The following ANKRD44 variants were observed in gnomAD, a reference collection of about 807,000 sequenced individuals.
ANKRD44 encodes the protein ankyrin repeat domain 44.
In ANKRD44, 35 loss-of-function variants were observed where a neutral mutation model predicts 116.0. The observed-to-expected ratio is 0.30, with a 90% CI of 0.23 to 0.40. ANKRD44 has a LOEUF of 0.40. Among genes scored for constraint, ANKRD44 ranks in the 10% least tolerant of loss-of-function variants. The pLI is 1.00. For synonymous variants in ANKRD44, 435 were observed against 461.8 expected, an observed-to-expected ratio of 0.94 and a Z score of 0.74; for missense variants, 1,014 against 1,242.6, an observed-to-expected ratio of 0.82 and a Z score of 2.77.
At chr2:197,192,465 C>T (rs2080847118) in intron 1 of ANKRD44, among the ~76,000 whole-genome samples, 1 of 152,202 alleles carries the variant, frequency 6.6e-6, no homozygotes, top group African/African-American at 2.4e-5. Flanking sequence ...AAACATCTGT[C>T]CCTCCTTGAG....
At chr2:197,121,305 T>A in intron 8 of ANKRD44, 27 bp downstream of exon 8, 1 of 1,604,664 alleles carries the variant, frequency 6.2e-7, no homozygotes, top group Non-Finnish European at 8.5e-7. Context: ...GCAAAGGCAT[T>A]CAACACAGAG....
At chr2:197,020,848 T>G (rs2076484075) in intron 17 of ANKRD44, among the ~76,000 whole-genome samples, 1 of 140,760 alleles carries the variant, frequency 7.1e-6, no homozygotes, top group Admixed American at 6.8e-5. Context: ...GTGCACAATG[T>G]GCAGGTTTGT....
chr2:197,154,181 T>C (rs1444675862), intron 2 of ANKRD44, among the ~76,000 whole-genome samples: 1 of 143,384 alleles, frequency 7.0e-6, no homozygotes, highest in Non-Finnish European at 1.5e-5. Context: ...TTTCTTTTTT[T>C]TTTTTTTTTT....
intron 1 of ANKRD44, among the ~76,000 whole-genome samples, chr2:197,285,546 A>G (rs1349401358): frequency 6.6e-6 from 1 of 152,156 alleles, no homozygotes; most frequent in East Asian, 1.9e-4. Context: ...AAAAATGCTA[A>G]GTAGATTTCT....
chr2:197,296,471 A>G (rs2195510), intron 1 of ANKRD44: 71,440 of 152,028 alleles, frequency 0.47, 18,163 homozygotes, highest in African/African-American at 0.67. Flanking sequence ...TCAAAGAACA[A>G]AGGACAGCAG....
At position 197,215,123 on chromosome 2, in the gene ANKRD44, G is replaced by A. The variant is rs1263066421; in HGVS notation, c.28-28017C>T. ...ACTCCTGGCCTCACATGATCCTCCC[G>A]GCTCAGCCTCCCAAAGTGCTGGGAT... On this transcript the variant is annotated intron_variant, in intron 1 of 27. Coordinates refer to ENST00000282272, the MANE Select transcript of ANKRD44 (RefSeq NM_001195144.2). Among the ~76,000 whole-genome samples the A allele has an allele frequency of 7.2e-5, 11 of 152,026 alleles. 1 individual carries two copies. The highest frequency in any genetic ancestry group is 2.6e-4 in the Admixed American group (4 of 15,274).
chr2:197,070,341 G>C (rs148938700), intron 16 of ANKRD44, among the ~76,000 whole-genome samples: 7 of 152,088 alleles, frequency 4.6e-5, no homozygotes, highest in African/African-American at 7.2e-5. Flanking sequence ...TAAATTAGCT[G>C]TTCTTTATCA....
intron 1 of ANKRD44, among the ~76,000 whole-genome samples, chr2:197,305,420 C>T (rs976737464): frequency 1.1e-4 from 17 of 152,178 alleles, no homozygotes; most frequent in Non-Finnish European, 2.4e-4. Flanking sequence ...ATCTCTGTAG[C>T]TCTGCCTGTT....
At chr2:197,202,050 C>A (rs1330278204) in intron 1 of ANKRD44, among the ~76,000 whole-genome samples, 1 of 152,208 alleles carries the variant, frequency 6.6e-6, no homozygotes, top group Non-Finnish European at 1.5e-5. Context: ...CTCCTCCACC[C>A]AGGGATAGAA....
chr2:197,112,536 C>T (rs926855914), intron 8 of ANKRD44, among the ~76,000 whole-genome samples: 4 of 151,744 alleles, frequency 2.6e-5, no homozygotes, highest in Non-Finnish European at 5.9e-5. Flanking sequence ...GGTGAAACCC[C>T]GTCTCTACTA....
intron 16 of ANKRD44, among the ~76,000 whole-genome samples, chr2:197,074,856 A>G (rs2077632465): frequency 6.6e-6 from 1 of 152,206 alleles, no homozygotes; most frequent in Non-Finnish European, 1.5e-5. Flanking sequence ...GGTGATAAAC[A>G]CAAGAAACAA....
At chr2:197,104,205 C>A (rs2078372501) in intron 9 of ANKRD44, among the ~76,000 whole-genome samples, 1 of 152,172 alleles carries the variant, frequency 6.6e-6, no homozygotes, top group South Asian at 2.1e-4. Flanking sequence ...ACTGCAACCT[C>A]CCCTTCTCAG....
chr2:196,985,501 G>A (rs986097613), downstream of ANKRD44, among the ~76,000 whole-genome samples: 8 of 152,156 alleles, frequency 5.3e-5, no homozygotes, highest in African/African-American at 1.9e-4. Flanking sequence ...AGGCAGGGCT[G>A]AGTACAAAAC....
chr2:197,306,423 C>A (rs543148141), intron 1 of ANKRD44, among the ~76,000 whole-genome samples: 76 of 152,270 alleles, frequency 5.0e-4, no homozygotes, highest in South Asian at 1.4e-3. Context: ...AGGATTAAGA[C>A]ATGATTCACT....
intron 18 of ANKRD44, among the ~76,000 whole-genome samples, chr2:197,009,866 G>C (rs2125915596): frequency 6.6e-6 from 1 of 152,054 alleles, no homozygotes; most frequent in African/African-American, 2.4e-5. Context: ...TTACACTTGG[G>C]GTCCTTTCTT....
chr2:197,034,932 A>C (rs1234709658), intron 16 of ANKRD44, among the ~76,000 whole-genome samples: 1 of 152,198 alleles, frequency 6.6e-6, no homozygotes, highest in Non-Finnish European at 1.5e-5. Flanking sequence ...TGAGATGCAC[A>C]ATGGAGTTTT....
At chr2:196,973,270 A>T (rs999156914) in intron 21 of ANKRD44, among the ~76,000 whole-genome samples, 11 of 152,004 alleles carry the variant, frequency 7.2e-5, no homozygotes, top group Non-Finnish European at 1.6e-4. Context: ...TCCTTTTCCT[A>T]TTTTTAAAAT....
Position 197,186,780 on chromosome 2 carries a change from A to T in ANKRD44, c.111+243T>A, listed in dbSNP as rs1245723021. Among the ~76,000 whole-genome samples the T allele has an allele frequency of 3.3e-5, 5 of 151,372 alleles. No individual in the cohort carries two copies. The South Asian group carries it at 6.3e-4, about 19-fold the overall frequency. On this transcript the variant is annotated intron_variant, in intron 2 of 27. Transcript: ENST00000282272. ...CCAGCCTAAATGTGTTATTTTTTTTAAAAGCACATATATTACCATATTACA... is the reference window on the plus strand; with the variant it reads ...CCAGCCTAAATGTGTTATTTTTTTTTAAAGCACATATATTACCATATTACA...
chr2:197,119,836 A>C (rs1446176067), intron 8 of ANKRD44, among the ~76,000 whole-genome samples: 4 of 152,176 alleles, frequency 2.6e-5, no homozygotes, highest in Non-Finnish European at 4.4e-5. Context: ...ATTCTGCTAC[A>C]ATCTAAATGC....
Sources: allele counts gnomAD v4.1 joint callset (sites outside exome capture counted in the v4.1 genomes callset), GRCh38; gene constraint gnomAD v4.1.1; transcripts MANE v1.5; gene names NCBI Gene and HGNC (gene_info 2026-07-23, HGNC 2026-07-21).